Variants in CAST observed in about 807,000 individuals in gnomAD.
CAST encodes calpastatin.
Under a neutral mutation model 119.6 loss-of-function variants are expected in CAST, and 76 were observed. That is an observed-to-expected ratio of 0.64 (90% CI 0.53 to 0.77). The LOEUF (loss-of-function observed/expected upper bound fraction) is 0.77, where lower values mean the gene tolerates loss of function less well. Ranked by LOEUF, CAST falls within the 30% of genes least tolerant of loss-of-function variation. CAST has a pLI of 0.00. For synonymous variants in CAST, 319 were observed against 331.6 expected, an observed-to-expected ratio of 0.96 and a Z score of 0.41; for missense variants, 953 against 946.5, an observed-to-expected ratio of 1.01 and a Z score of -0.09.
the CAST span, among the ~76,000 whole-genome samples, chr5:96,015,174 T>C: frequency 6.6e-6 from 1 of 152,222 alleles, no homozygotes; most frequent in Non-Finnish European, 1.5e-5. Context: ...AGTTATTTTT[T>C]AAAGGTATAA....
the CAST span, among the ~76,000 whole-genome samples, chr5:96,314,893 A>G: frequency 2.0e-5 from 3 of 152,366 alleles, no homozygotes; most frequent in East Asian, 5.8e-4. Flanking sequence ...CAATATAGCT[A>G]CATTTAAATG....
At chr5:96,649,893 G>C (rs1044084456) in intron 1 of CAST, among the ~76,000 whole-genome samples, 1 of 152,110 alleles carries the variant, frequency 6.6e-6, no homozygotes, top group Non-Finnish European at 1.5e-5. Flanking sequence ...CTGTAATGAC[G>C]GTAACACAAT....
At chr5:95,991,445 G>C in the CAST span, among the ~76,000 whole-genome samples, 7 of 143,354 alleles carry the variant, frequency 4.9e-5, no homozygotes, top group Non-Finnish European at 1.1e-4. Flanking sequence ...TTTGATAGAA[G>C]AAATACATTC....
At chr5:96,119,279 A>T in the CAST span, among the ~76,000 whole-genome samples, 43,205 of 152,006 alleles carry the variant, frequency 0.28, 6,540 homozygotes, top group Middle Eastern at 0.34. Context: ...GTTGAAAAAA[A>T]TTTTTAAAAG....
the CAST span, among the ~76,000 whole-genome samples, chr5:95,984,337 C>T: frequency 7.2e-5 from 11 of 152,200 alleles, no homozygotes; most frequent in Admixed American, 4.6e-4. Flanking sequence ...ATTTTACTTT[C>T]GCCTTTTAGG....
intron 1 of CAST, among the ~76,000 whole-genome samples, chr5:96,619,859 C>T (rs1447574383): frequency 1.3e-5 from 2 of 152,226 alleles, no homozygotes; most frequent in African/African-American, 2.4e-5. Context: ...ACTCCTCAGT[C>T]TTAGGCAAGC....
chr5:96,397,693 C>T, the CAST span, among the ~76,000 whole-genome samples: 3 of 151,798 alleles, frequency 2.0e-5, no homozygotes, highest in African/African-American at 7.3e-5. Flanking sequence ...ATATTATTTG[C>T]CTCAATAAAT....
intron 18 of CAST, among the ~76,000 whole-genome samples, chr5:96,747,658 C>T (rs1406930835): frequency 1.3e-5 from 2 of 152,054 alleles, no homozygotes; most frequent in African/African-American, 2.4e-5. Context: ...GTCAAGAGGG[C>T]CCTTAAGTCA....
chr5:96,598,303 C>A (rs1225332743), intron 1 of CAST, among the ~76,000 whole-genome samples: 2 of 152,152 alleles, frequency 1.3e-5, no homozygotes, highest in African/African-American at 4.8e-5. Flanking sequence ...GGACTTCTCT[C>A]CAGCCAAATT....
chr5:96,564,423 A>G (rs1746434061), intron 1 of CAST, among the ~76,000 whole-genome samples: 1 of 152,192 alleles, frequency 6.6e-6, no homozygotes, highest in Admixed American at 6.5e-5. Context: ...TGTTTTCCAG[A>G]TATTTTTCCT....
At chr5:96,112,212 G>T in the CAST span, among the ~76,000 whole-genome samples, 2 of 151,962 alleles carry the variant, frequency 1.3e-5, no homozygotes, top group Admixed American at 1.3e-4. Flanking sequence ...ATTCTGAGAG[G>T]TGTGTCTGGG....
At chr5:96,588,373 T>C (rs1043016750) in intron 1 of CAST, among the ~76,000 whole-genome samples, 1 of 152,022 alleles carries the variant, frequency 6.6e-6, no homozygotes, top group African/African-American at 2.4e-5. Flanking sequence ...AGCTAATTTT[T>C]GTATTTTTAG....
At chr5:96,139,106 T>C in the CAST span, among the ~76,000 whole-genome samples, 3 of 152,152 alleles carry the variant, frequency 2.0e-5, no homozygotes, top group East Asian at 1.9e-4. Flanking sequence ...CCTCTATTCC[T>C]GGTTTGCTGT....
At chr5:96,759,970 G>A (rs1032513773) in intron 24 of CAST, among the ~76,000 whole-genome samples, 4 of 152,038 alleles carry the variant, frequency 2.6e-5, no homozygotes, top group African/African-American at 9.6e-5. Flanking sequence ...ATATTAAACT[G>A]CGTAATTCAC....
At chr5:96,471,515 G>A in the CAST span, among the ~76,000 whole-genome samples, 1 of 152,156 alleles carries the variant, frequency 6.6e-6, no homozygotes, top group African/African-American at 2.4e-5. Context: ...AGAATTTAGA[G>A]TTGTCACAGA....
chr5:96,046,346 A>G, the CAST span, among the ~76,000 whole-genome samples: 9 of 152,352 alleles, frequency 5.9e-5, no homozygotes, highest in East Asian at 1.7e-3. Context: ...GCACCAACCT[A>G]TTAGGCTGGA....
chr5:95,972,992 G>A, the CAST span: 3 of 152,212 alleles, frequency 2.0e-5, no homozygotes, highest in Non-Finnish European at 4.4e-5. Flanking sequence ...GTTGAACTGA[G>A]CTTGTTCATT....
chr5:96,663,041 C>T (rs1438822925), intron 1 of CAST: 1 of 698,238 alleles, frequency 1.4e-6, no homozygotes, highest in African/African-American at 1.8e-5. Context: ...AGCCCGGTCC[C>T]GGCCAAGCGG....
At chr5:96,516,924 T>C in the CAST span, among the ~76,000 whole-genome samples, 1 of 152,170 alleles carries the variant, frequency 6.6e-6, no homozygotes, top group African/African-American at 2.4e-5. Context: ...AACCCCTCAA[T>C]GACATGACGA....
Sources: gnomAD v4.1 joint callset for allele counts (sites outside exome capture counted in the v4.1 genomes callset) on GRCh38, gnomAD v4.1.1 for gene constraint, MANE v1.5 for transcripts, NCBI Gene and HGNC (gene_info 2026-07-23, HGNC 2026-07-21) for gene names.